Variants in RXFP1 observed in about 807,000 individuals in gnomAD.
RXFP1 encodes the protein relaxin family peptide receptor 1.
In RXFP1, 73 loss-of-function variants were observed where a neutral mutation model predicts 89.8. The observed-to-expected ratio is 0.81, with a 90% CI of 0.67 to 0.99. RXFP1 has a LOEUF of 0.99. RXFP1 is among the 50% of genes least tolerant of loss of function. RXFP1 has a pLI of 0.00. For synonymous variants in RXFP1, 277 were observed against 305.5 expected (o/e 0.91, Z 0.97); for missense variants, 793 against 895.5 (o/e 0.89, Z 1.46).
chr4:158,617,892 A>G (rs949512297), intron 9 of RXFP1, among the ~76,000 whole-genome samples: 1 of 152,158 alleles, frequency 6.6e-6, no homozygotes, highest in African/African-American at 2.4e-5. Flanking sequence ...AGCTCATAGC[A>G]GATTACAAAT....
chr4:158,525,228 G>A (rs1202246592), intron 1 of RXFP1, among the ~76,000 whole-genome samples: 1 of 150,462 alleles, frequency 6.6e-6, no homozygotes, highest in African/African-American at 2.4e-5. Context: ...GCGGGGGGGG[G>A]TTGGGTTTTT....
intron 13 of RXFP1, among the ~76,000 whole-genome samples, chr4:158,638,650 A>T (rs950983116): frequency 1.1e-4 from 16 of 152,100 alleles, no homozygotes; most frequent in Non-Finnish European, 2.1e-4. Flanking sequence ...TCTACAAAAA[A>T]ATAAAAATAA....
At chr4:158,595,540 G>A (rs538286001) in intron 3 of RXFP1, among the ~76,000 whole-genome samples, 1 of 152,224 alleles carries the variant, frequency 6.6e-6, no homozygotes, top group Admixed American at 6.5e-5. Context: ...ATATTAAAAT[G>A]TAAGGATTGC....
rs761727867 is a variant in RXFP1 at position 158,572,790 on chromosome 4, A to T, written c.142A>T (p.Asn48Tyr). The change falls in exon 2 of 18, where the codon AAC becomes TAC. Residue 48 changes from asparagine to tyrosine, a missense_variant. By Grantham distance (143) the Asn-to-Tyr change is moderately radical. Coordinates refer to ENST00000307765, the MANE Select transcript of RXFP1 (RefSeq NM_021634.4). ...TKCLPQLLHC[N>Y]GVDDCGNQAD... ...GTGCTTGCCTCAGCTCCTGCACTGT[A>T]ACGGTGTGGACGACTGCGGGAATCA... is the stretch of plus-strand genomic sequence containing the variant. 55 of 1,614,058 alleles carry T rather than the reference A, an allele frequency of 3.4e-5. No homozygotes were observed. The South Asian group carries it at 5.7e-4, about 17-fold the overall frequency.
intron 14 of RXFP1, among the ~76,000 whole-genome samples, chr4:158,641,242 T>A (rs1233982166): frequency 6.6e-6 from 1 of 152,222 alleles, no homozygotes; most frequent in Non-Finnish European, 1.5e-5. Flanking sequence ...ATCTGAGGAA[T>A]AATTTATAGC....
chr4:158,578,407 T>C (rs2150018093), intron 2 of RXFP1, among the ~76,000 whole-genome samples: 1 of 152,320 alleles, frequency 6.6e-6, no homozygotes, highest in Non-Finnish European at 1.5e-5. Flanking sequence ...CTATGATACC[T>C]GAGAGAATAC....
intron 4 of RXFP1, among the ~76,000 whole-genome samples, chr4:158,600,520 A>C (rs556816889): frequency 1.3e-5 from 2 of 152,312 alleles, no homozygotes; most frequent in East Asian, 3.9e-4. Flanking sequence ...TCTCATAGCA[A>C]TTAGTCCTGC....
intron 1 of RXFP1, among the ~76,000 whole-genome samples, chr4:158,527,177 T>G (rs1300647234): frequency 6.6e-6 from 1 of 152,158 alleles, no homozygotes; most frequent in Non-Finnish European, 1.5e-5. Context: ...TTTAAATAAT[T>G]TTTTTGTTAG....
chr4:158,531,536 T>C (rs1269547182), intron 1 of RXFP1, among the ~76,000 whole-genome samples: 2 of 152,178 alleles, frequency 1.3e-5, no homozygotes, highest in Non-Finnish European at 2.9e-5. Flanking sequence ...TTTGTCCTTT[T>C]TTTCCTCAGA....
chr4:158,634,307 A>G (rs141784850), intron 12 of RXFP1, among the ~76,000 whole-genome samples: 178 of 152,232 alleles, frequency 1.2e-3, no homozygotes, highest in African/African-American at 4.0e-3. Context: ...CTTATTGGCC[A>G]TTTGGATACC....
intron 2 of RXFP1, 40 bp downstream of exon 2, chr4:158,572,875 A>G (rs1404849549): frequency 6.2e-7 from 1 of 1,606,306 alleles, no homozygotes. Flanking sequence ...AGAAAGGAGC[A>G]GAAAGGACTG....
intron 1 of RXFP1, among the ~76,000 whole-genome samples, chr4:158,556,627 C>T (rs1460122050): frequency 6.6e-6 from 1 of 152,098 alleles, no homozygotes; most frequent in African/African-American, 2.4e-5. Flanking sequence ...TTTACTGCAG[C>T]ACCATTTGCA....
chr4:158,529,621 T>A (rs928142206), intron 1 of RXFP1, among the ~76,000 whole-genome samples: 4 of 152,166 alleles, frequency 2.6e-5, no homozygotes, highest in Non-Finnish European at 5.9e-5. Flanking sequence ...TTTCCCAGAT[T>A]GTCTATTTAG....
intron 3 of RXFP1, among the ~76,000 whole-genome samples, chr4:158,596,638 A>G (rs1760670418): frequency 6.6e-6 from 1 of 152,224 alleles, no homozygotes; most frequent in Non-Finnish European, 1.5e-5. Context: ...CAATTAAAAT[A>G]CAGCTACTAA....
chr4:158,537,523 A>G (rs1053413305), intron 1 of RXFP1, among the ~76,000 whole-genome samples: 2 of 152,208 alleles, frequency 1.3e-5, no homozygotes, highest in African/African-American at 4.8e-5. Context: ...AGCTGACAAC[A>G]GAGTCTGGAG....
At chr4:158,627,016 A>G (rs1766988866) in intron 10 of RXFP1, 125 bp downstream of exon 10, 1 of 468,920 alleles carries the variant, frequency 2.1e-6, no homozygotes, top group Non-Finnish European at 3.7e-6. Context: ...TCTCAGTTTG[A>G]GAAACACTAA....
At chr4:158,569,683 A>G (rs925530422) in intron 1 of RXFP1, among the ~76,000 whole-genome samples, 2 of 152,234 alleles carry the variant, frequency 1.3e-5, no homozygotes, top group African/African-American at 4.8e-5. Flanking sequence ...TGTTTATGGA[A>G]CAATTTTTAC....
intron 1 of RXFP1, among the ~76,000 whole-genome samples, chr4:158,533,586 T>C (rs1308847635): frequency 2.0e-5 from 3 of 152,200 alleles, no homozygotes; most frequent in Non-Finnish European, 4.4e-5. Flanking sequence ...TATAGGAGAA[T>C]TGGAATTTTC....
intron 1 of RXFP1, among the ~76,000 whole-genome samples, chr4:158,556,754 A>G (rs1751395456): frequency 6.6e-6 from 1 of 152,216 alleles, no homozygotes; most frequent in South Asian, 2.1e-4. Flanking sequence ...AGCCATAAAA[A>G]AGAATTAAAT....
Sources: gnomAD v4.1 joint callset for allele counts (sites outside exome capture counted in the v4.1 genomes callset) on GRCh38, gnomAD v4.1.1 for gene constraint, MANE v1.5 for transcripts, NCBI Gene and HGNC (gene_info 2026-07-23, HGNC 2026-07-21) for gene names.